Variants in CSMD3 observed in about 807,000 individuals in gnomAD.
CSMD3 encodes the protein CUB and Sushi multiple domains 3.
CSMD3 carries 177 observed loss-of-function variants against 435.2 expected under a neutral mutation model. The ratio of observed to expected loss-of-function variants is 0.41; its 90% CI spans 0.36 to 0.46. CSMD3 has a LOEUF of 0.46. Among genes scored for constraint, CSMD3 ranks in the 20% least tolerant of loss-of-function variants. The pLI is 0.34. For missense variants in CSMD3, 4,265 were observed against 4,504.6 expected (o/e 0.95, Z 1.52); for synonymous variants, 1,656 against 1,520.5 (o/e 1.09, Z -2.07).
At chr8:112,261,553 GTA>G (rs1338819958) in intron 61 of CSMD3, among the ~76,000 whole-genome samples, 1 of 151,804 alleles carries the variant, frequency 6.6e-6, no homozygotes. Context: ...TGGCATATAT[GTA>G]TGTGTGTGTG....
chr8:113,319,892 A>G (rs2093937549), intron 1 of CSMD3, among the ~76,000 whole-genome samples: 1 of 152,042 alleles, frequency 6.6e-6, no homozygotes. Context: ...TCTTTATAGT[A>G]CATGTGGAAC....
rs981269160 is a variant in CSMD3 at position 113,174,811 on chromosome 8, A to G, written c.515-895T>C. Among the ~76,000 whole-genome samples the G allele has an allele frequency of 2.6e-5, 4 of 151,874 alleles. No homozygotes were observed. In the South Asian group the frequency reaches 8.3e-4, roughly 31 times the overall value. On this transcript the variant is annotated intron_variant, in intron 3 of 70. Coordinates refer to ENST00000297405, the MANE Select transcript of CSMD3 (RefSeq NM_198123.2). ...TACAAATAATAATAAAAACACAAAC[A>G]GTAATTAATGAACTAAAAGATATTC...
At chr8:112,962,672 T>G (rs1282354742) in intron 7 of CSMD3, among the ~76,000 whole-genome samples, 1 of 151,974 alleles carries the variant, frequency 6.6e-6, no homozygotes, top group Non-Finnish European at 1.5e-5. Flanking sequence ...TAGATTCTGT[T>G]TAAAATAAAC....
intron 13 of CSMD3, among the ~76,000 whole-genome samples, chr8:112,767,257 T>C (rs1563940505): frequency 6.6e-6 from 1 of 151,840 alleles, no homozygotes; most frequent in African/African-American, 2.4e-5. Context: ...TAATTTGACA[T>C]TGGGCTACTT....
intron 1 of CSMD3, among the ~76,000 whole-genome samples, chr8:113,379,301 C>G (rs1344391582): frequency 6.6e-6 from 1 of 151,880 alleles, no homozygotes; most frequent in Non-Finnish European, 1.5e-5. Flanking sequence ...AAAAAAAACA[C>G]ACACACACAT....
intron 65 of CSMD3, 36 bp from the exon 66 acceptor site, chr8:112,241,821 T>C (rs373473387): frequency 2.8e-5 from 37 of 1,338,938 alleles, no homozygotes; most frequent in Non-Finnish European, 3.8e-5. Flanking sequence ...CAAAAGTTGA[T>C]GCAATTAATT....
At chr8:112,933,602 T>C (rs768790391) in intron 9 of CSMD3, among the ~76,000 whole-genome samples, 7 of 152,290 alleles carry the variant, frequency 4.6e-5, no homozygotes, top group East Asian at 3.9e-4. Context: ...GGGTTCTATA[T>C]AACGATTTCT....
At chr8:112,887,998 C>T (rs1461132321) in intron 10 of CSMD3, among the ~76,000 whole-genome samples, 2 of 151,548 alleles carry the variant, frequency 1.3e-5, no homozygotes, top group Non-Finnish European at 3.0e-5. Flanking sequence ...AAATATTTCC[C>T]CTACGTACAT....
At chr8:112,724,129 A>C (rs947960444) in intron 13 of CSMD3, among the ~76,000 whole-genome samples, 4 of 152,070 alleles carry the variant, frequency 2.6e-5, no homozygotes, top group African/African-American at 9.7e-5. Context: ...GGAGAGGTGA[A>C]TAGGTTCCAA....
chr8:112,742,923 CAGAA>C (rs1262520409), intron 13 of CSMD3, among the ~76,000 whole-genome samples: 1 of 151,962 alleles, frequency 6.6e-6, no homozygotes, highest in Non-Finnish European at 1.5e-5. Flanking sequence ...GGTCCACTCT[CAGAA>C]AGGCCTCATT....
intron 5 of CSMD3, among the ~76,000 whole-genome samples, chr8:113,041,609 T>C (rs1207874426): frequency 6.6e-6 from 1 of 152,164 alleles, no homozygotes; most frequent in Non-Finnish European, 1.5e-5. Context: ...ATCATTTTTA[T>C]TATCAACTGG....
intron 6 of CSMD3, among the ~76,000 whole-genome samples, chr8:112,976,969 A>G (rs560754679): frequency 6.6e-6 from 1 of 152,016 alleles, no homozygotes; most frequent in African/African-American, 2.4e-5. Context: ...ATATGTGCGC[A>G]TGTGTGTGTG....
intron 7 of CSMD3, among the ~76,000 whole-genome samples, chr8:112,968,599 C>A (rs191041530): frequency 1.3e-5 from 2 of 152,050 alleles, no homozygotes; most frequent in Non-Finnish European, 2.9e-5. Flanking sequence ...AACAACATAT[C>A]AAGCATTTCA....
chr8:112,695,731 G>C (rs1399689014), intron 13 of CSMD3, among the ~76,000 whole-genome samples: 6 of 152,158 alleles, frequency 3.9e-5, no homozygotes, highest in Non-Finnish European at 5.9e-5. Flanking sequence ...GTTCTGGCCA[G>C]GGCAATCAGG....
At chr8:113,122,557 T>A (rs2091014984) in intron 4 of CSMD3, among the ~76,000 whole-genome samples, 1 of 152,026 alleles carries the variant, frequency 6.6e-6, no homozygotes, top group Non-Finnish European at 1.5e-5. Context: ...CCCAATCTAA[T>A]CACATGAATC....
At chr8:112,307,865 T>C (rs763725136) in intron 50 of CSMD3, among the ~76,000 whole-genome samples, 2 of 152,202 alleles carry the variant, frequency 1.3e-5, no homozygotes, top group African/African-American at 2.4e-5. Flanking sequence ...TTATAAATGC[T>C]ATGTACTATT....
At chr8:113,066,040 AT>A (rs1310909086) in intron 5 of CSMD3, among the ~76,000 whole-genome samples, 279 of 145,410 alleles carry the variant, frequency 1.9e-3, no homozygotes, top group African/African-American at 5.8e-3. Flanking sequence ...GCTCTGCTCA[AT>A]TTTTTTTTTT....
chr8:113,153,066 AAAAG>A (rs1422816755), intron 4 of CSMD3, among the ~76,000 whole-genome samples: 3 of 126,464 alleles, frequency 2.4e-5, no homozygotes, highest in South Asian at 2.7e-4. Context: ...GAAAAAAGAA[AAAAG>A]AAAGAAAAAG....
At chr8:112,999,603 T>C (rs2085786616) in intron 6 of CSMD3, among the ~76,000 whole-genome samples, 1 of 151,610 alleles carries the variant, frequency 6.6e-6, no homozygotes, top group African/African-American at 2.4e-5. Context: ...TAATTGCTAA[T>C]ATAATATGAC....
Sources: gnomAD v4.1 joint callset for allele counts (sites outside exome capture counted in the v4.1 genomes callset) on GRCh38, gnomAD v4.1.1 for gene constraint, MANE v1.5 for transcripts, NCBI Gene and HGNC (gene_info 2026-07-23, HGNC 2026-07-21) for gene names.